NALF1: variants seen among roughly 807,000 people sequenced by gnomAD.
NALF1 encodes the protein NALCN channel auxiliary factor 1.
Under a neutral mutation model 48.4 loss-of-function variants are expected in NALF1, and 3 were observed. The ratio of observed to expected loss-of-function variants is 0.06; its 90% confidence interval spans 0.03 to 0.16. The LOEUF (loss-of-function observed/expected upper bound fraction) is 0.16. NALF1 is among the 10% of genes least tolerant of loss of function. NALF1 has a pLI of 1.00. For synonymous variants in NALF1, 262 were observed against 245.7 expected (o/e 1.07, Z -0.62); for missense variants, 526 against 571.5 (o/e 0.92, Z 0.81).
intron 1 of NALF1, among the ~76,000 whole-genome samples, chr13:107,674,219 G>A (rs1300819852): frequency 1.3e-5 from 2 of 151,204 alleles, no homozygotes; most frequent in African/African-American, 4.9e-5. Context: ...CTACTGTCCT[G>A]CATTGCAGTC....
At chr13:107,815,270 A>G (rs963957575) in intron 1 of NALF1, among the ~76,000 whole-genome samples, 2 of 141,150 alleles carry the variant, frequency 1.4e-5, no homozygotes, top group African/African-American at 6.0e-5. Flanking sequence ...ATTTTTTTTA[A>G]AACTTTTATC....
At chr13:107,757,543 GC>G (rs1376421130) in intron 1 of NALF1, among the ~76,000 whole-genome samples, 2 of 151,540 alleles carry the variant, frequency 1.3e-5, no homozygotes, top group Non-Finnish European at 2.9e-5. Context: ...ACAGTAAGGA[GC>G]CATGGTTAAT....
intron 1 of NALF1, among the ~76,000 whole-genome samples, chr13:107,500,431 A>G (rs113416766): frequency 0.26 from 39,559 of 151,370 alleles, 5,333 homozygotes; most frequent in East Asian, 0.38. Context: ...TTAGAATGGC[A>G]ATCATTAAAA....
chr13:107,642,747 G>A (rs1031888118), intron 1 of NALF1, among the ~76,000 whole-genome samples: 4 of 152,192 alleles, frequency 2.6e-5, no homozygotes, highest in African/African-American at 9.6e-5. Flanking sequence ...TGAGCATACA[G>A]TCAGTGCCTA....
At chr13:107,253,403 G>C (rs1196808742) in intron 1 of NALF1, among the ~76,000 whole-genome samples, 1 of 152,046 alleles carries the variant, frequency 6.6e-6, no homozygotes, top group African/African-American at 2.4e-5. Context: ...GCAACACTGG[G>C]ACTGCTTTTT....
intron 1 of NALF1, among the ~76,000 whole-genome samples, chr13:107,525,660 T>C (rs937655176): frequency 6.6e-6 from 1 of 152,104 alleles, no homozygotes; most frequent in African/African-American, 2.4e-5. Flanking sequence ...AGATGATAAA[T>C]TGATATTTAA....
At chr13:107,826,304 CGT>C (rs59010695) in intron 1 of NALF1, among the ~76,000 whole-genome samples, 25 of 150,344 alleles carry the variant, frequency 1.7e-4, no homozygotes, top group Non-Finnish European at 2.2e-4. Flanking sequence ...TGCATGTGCA[CGT>C]GTGTGTGTGT....
chr13:107,340,176 CTTT>C (rs5806647), intron 1 of NALF1, among the ~76,000 whole-genome samples: 34 of 141,660 alleles, frequency 2.4e-4, no homozygotes, highest in Non-Finnish European at 3.2e-4. Flanking sequence ...ACTTACATTC[CTTT>C]TTTTTTTTTT....
chr13:107,338,126 C>T lies in NALF1; in HGVS notation c.916-127371G>A, dbSNP rs186979388. 2.0e-4 allele frequency among the ~76,000 whole-genome samples: 30 copies of T among 152,224 alleles called. No homozygotes were observed. The East Asian group carries it at 2.7e-3, about 14-fold the overall frequency. ...TGACATCTTTTTAAACTTAATGAAA[C>T]GCAGTATAATCCTTGTATACTTCAT... On this transcript the variant is annotated intron_variant, in intron 1 of 2. Coordinates refer to ENST00000375915, the MANE Select transcript of NALF1 (RefSeq NM_001080396.3).
chr13:107,415,930 T>C (rs968506285), intron 1 of NALF1, among the ~76,000 whole-genome samples: 5 of 152,212 alleles, frequency 3.3e-5, no homozygotes, highest in South Asian at 2.1e-4. Flanking sequence ...GACGATCTAC[T>C]TCCCGGTGTT....
At chr13:107,308,874 C>G (rs537927979) in intron 1 of NALF1, among the ~76,000 whole-genome samples, 1 of 152,196 alleles carries the variant, frequency 6.6e-6, no homozygotes, top group African/African-American at 2.4e-5. Context: ...CAAGACATTC[C>G]TTTTTCCTGC....
At position 107,170,739 on chromosome 13, in the gene NALF1, C is replaced by T. The variant is rs1444870513; in HGVS notation, c.1135G>A (p.Val379Ile). The change falls in exon 3 of 3, where the codon GTC becomes ATC. Residue 379 changes from valine to isoleucine, a missense_variant. By Grantham distance (29) the Val-to-Ile change is conservative (BLOSUM62 3). Coordinates refer to ENST00000375915, the MANE Select transcript of NALF1 (RefSeq NM_001080396.3). ...LTNDEPECCD[V>I]RREEKSNNPS... ...TTATTTGATTTTTCTTCTCTCCTGACGTCACAGCATTCTGGTTCATCATTG... is the reference window on the plus strand; with the variant it reads ...TTATTTGATTTTTCTTCTCTCCTGATGTCACAGCATTCTGGTTCATCATTG... 3.1e-6 allele frequency: 5 copies of T among 1,614,048 alleles called. No individual in the cohort carries two copies. The highest frequency in any genetic ancestry group is 2.2e-5 in the South Asian group (2 of 91,092).
rs531823749 is a variant in NALF1 at position 107,287,206 on chromosome 13, C to T, written c.916-76451G>A. Among the ~76,000 whole-genome samples the T allele has an allele frequency of 1.2e-3, 186 of 152,334 alleles. 2 individuals are homozygous for T. In the Middle Eastern group the frequency reaches 0.031, roughly 25 times the overall value. On this transcript the variant is annotated intron_variant, in intron 1 of 2. Transcript: ENST00000375915. ...CAGAACCTTCACACCGTCTCCCCAACCACCCATCAGCATCAACAGTTGGGA... is the reference window on the plus strand; with the variant it reads ...CAGAACCTTCACACCGTCTCCCCAATCACCCATCAGCATCAACAGTTGGGA...
At chr13:107,581,948 G>C (rs970893686) in intron 1 of NALF1, among the ~76,000 whole-genome samples, 3 of 152,150 alleles carry the variant, frequency 2.0e-5, no homozygotes, top group Admixed American at 1.3e-4. Flanking sequence ...TCCCACAAAA[G>C]ATGCCTTTGG....
intron 1 of NALF1, among the ~76,000 whole-genome samples, chr13:107,314,830 T>A (rs991789912): frequency 6.6e-6 from 1 of 152,162 alleles, no homozygotes; most frequent in African/African-American, 2.4e-5. Flanking sequence ...TTGAGAAGAT[T>A]AGCTGAATTG....
intron 1 of NALF1, among the ~76,000 whole-genome samples, chr13:107,271,775 T>C (rs1303153825): frequency 2.3e-4 from 2 of 8,808 alleles, no homozygotes; most frequent in Non-Finnish European, 8.1e-4. Context: ...GCTACTGGAC[T>C]ATATATATAT....
At chr13:107,243,575 T>C (rs1293392178) in intron 1 of NALF1, among the ~76,000 whole-genome samples, 1 of 152,210 alleles carries the variant, frequency 6.6e-6, no homozygotes, top group African/African-American at 2.4e-5. Context: ...TCTTGGAACA[T>C]GGTAGGAACT....
At chr13:107,377,958 G>A (rs4483719) in intron 1 of NALF1, among the ~76,000 whole-genome samples, 42,100 of 151,790 alleles carry the variant, frequency 0.28, 6,085 homozygotes, top group Admixed American at 0.35. Flanking sequence ...CTCTCTCAAA[G>A]CATCCTTTGT....
chr13:107,852,943 C>T (rs925082238), intron 1 of NALF1, among the ~76,000 whole-genome samples: 2 of 152,160 alleles, frequency 1.3e-5, no homozygotes, highest in African/African-American at 4.8e-5. Flanking sequence ...GGCTTATTTG[C>T]AGCATCCTTT....
Sources: gnomAD v4.1 joint callset for allele counts (sites outside exome capture counted in the v4.1 genomes callset) on GRCh38, gnomAD v4.1.1 for gene constraint, MANE v1.5 for transcripts, NCBI Gene and HGNC (gene_info 2026-07-23, HGNC 2026-07-21) for gene names.